NXN: variants seen among roughly 807,000 people sequenced by gnomAD.
NXN encodes the protein nucleoredoxin 1.
In NXN, 16 loss-of-function variants were observed where a neutral mutation model predicts 48.6. The observed-to-expected ratio is 0.33, with a 90% CI of 0.22 to 0.50. The LOEUF (loss-of-function observed/expected upper bound fraction) is 0.50, where lower values mean the gene tolerates loss of function less well. Among genes scored for constraint, NXN ranks in the 20% least tolerant of loss-of-function variants. The pLI, the probability that NXN is intolerant of heterozygous loss-of-function variation, is 0.98. For synonymous variants in NXN, 281 were observed against 269.6 expected (o/e 1.04, Z -0.41); for missense variants, 492 against 605.5 (o/e 0.81, Z 1.97).
intron 1 of NXN, among the ~76,000 whole-genome samples, chr17:841,586 C>T (rs62067129): frequency 5.9e-4 from 7 of 11,904 alleles, no homozygotes; most frequent in East Asian, 8.1e-3. Flanking sequence ...CATCTCACGC[C>T]GGCGAGCAGG....
chr17:918,342 T>A (rs62070217), intron 1 of NXN, among the ~76,000 whole-genome samples: 1 of 151,832 alleles, frequency 6.6e-6, no homozygotes, highest in African/African-American at 2.4e-5. Flanking sequence ...CGGAAGGAAA[T>A]GGGAGGAGCG....
chr17:819,152 G>C, intron 5 of NXN: 1 of 413,650 alleles, frequency 2.4e-6, no homozygotes, highest in South Asian at 2.1e-5. Flanking sequence ...TCACCGTGTT[G>C]TCCAAACTGG....
chr17:855,472 G>A (rs2067975314), intron 1 of NXN, among the ~76,000 whole-genome samples: 1 of 152,134 alleles, frequency 6.6e-6, no homozygotes, highest in Admixed American at 6.5e-5. Context: ...CTGCTCCCCA[G>A]GATCAAAATG....
At chr17:939,519 T>C (rs2068945971) in intron 1 of NXN, among the ~76,000 whole-genome samples, 1 of 151,956 alleles carries the variant, frequency 6.6e-6, no homozygotes, top group Non-Finnish European at 1.5e-5. Context: ...TTAATTCCTA[T>C]ATTTTTAGTA....
intron 1 of NXN, among the ~76,000 whole-genome samples, chr17:946,192 G>A (rs1227211973): frequency 6.7e-6 from 1 of 149,924 alleles, no homozygotes; most frequent in African/African-American, 2.4e-5. Flanking sequence ...CTGGAGGGCA[G>A]TGGCGCGATC....
At chr17:831,040 G>T (rs1410620168) in intron 1 of NXN, among the ~76,000 whole-genome samples, 1 of 151,868 alleles carries the variant, frequency 6.6e-6, no homozygotes, top group Non-Finnish European at 1.5e-5. Flanking sequence ...ATGCTGATTG[G>T]GTTACTCCAG....
At chr17:819,237 TG>T (rs1479016876) in intron 5 of NXN, 1 of 591,730 alleles carries the variant, frequency 1.7e-6, no homozygotes, top group Non-Finnish European at 3.1e-6. Flanking sequence ...TGAGCTGCCA[TG>T]CCCGGCCTGA....
intron 1 of NXN, among the ~76,000 whole-genome samples, chr17:906,020 A>C (rs577219240): frequency 1.3e-5 from 2 of 152,012 alleles, no homozygotes; most frequent in African/African-American, 2.4e-5. Context: ...AGGTGAAGTT[A>C]ATCTTAATAT....
intron 5 of NXN, among the ~76,000 whole-genome samples, chr17:811,605 G>A (rs1912013275): frequency 6.6e-6 from 1 of 152,120 alleles, no homozygotes; most frequent in South Asian, 2.1e-4. Context: ...CAGTGGTCCT[G>A]TGGAGATGGG....
chr17:835,412 G>T (rs562844631), intron 1 of NXN, among the ~76,000 whole-genome samples: 3 of 151,594 alleles, frequency 2.0e-5, no homozygotes, highest in Admixed American at 1.3e-4. Flanking sequence ...AGAGAACAAA[G>T]AAAAAAAACA....
At chr17:910,448 TAGAC>T (rs1440251683) in intron 1 of NXN, among the ~76,000 whole-genome samples, 2 of 151,822 alleles carry the variant, frequency 1.3e-5, no homozygotes, top group Admixed American at 6.6e-5. Context: ...GTAAGTGGCA[TAGAC>T]AGACAAAGTG....
chr17:830,683 G>A lies in NXN; in HGVS notation c.361-4605C>T, dbSNP rs1913407401. 6.6e-6 allele frequency among the ~76,000 whole-genome samples: 1 copy of A among 152,170 alleles called. No homozygotes were observed. The highest frequency in any genetic ancestry group is 1.5e-5 in the Non-Finnish European group (1 of 68,026). ...GCAAAAATAACAGGTCACAGGGAATGACGTGACCTGATTCACAGTTTAAAA... is the reference window on the plus strand; with the variant it reads ...GCAAAAATAACAGGTCACAGGGAATAACGTGACCTGATTCACAGTTTAAAA... On this transcript the variant is annotated intron_variant, in intron 1 of 7. Coordinates refer to ENST00000336868, the MANE Select transcript of NXN (RefSeq NM_022463.5). The surrounding 1 kb of genome is among the most constrained non-coding windows in gnomAD (Gnocchi z 4.2).
chr17:909,398 T>C (rs2144917878), intron 1 of NXN, among the ~76,000 whole-genome samples: 1 of 152,250 alleles, frequency 6.6e-6, no homozygotes, highest in East Asian at 1.9e-4. Context: ...TAAAGTCCAG[T>C]GTAACATTTG....
At chr17:832,664 T>A (rs1597641957) in intron 1 of NXN, among the ~76,000 whole-genome samples, 1 of 152,202 alleles carries the variant, frequency 6.6e-6, no homozygotes, top group East Asian at 1.9e-4. Context: ...CTGCCCCCAG[T>A]CTCCACAGAC....
intron 1 of NXN, among the ~76,000 whole-genome samples, chr17:914,669 G>A (rs2068668959): frequency 1.3e-5 from 2 of 152,198 alleles, no homozygotes; most frequent in Admixed American, 1.3e-4. Flanking sequence ...GAGGAGCAGA[G>A]ACTCGCTTCT....
At chr17:899,640 TCTC>T (rs1308943298) in intron 1 of NXN, among the ~76,000 whole-genome samples, 3 of 152,122 alleles carry the variant, frequency 2.0e-5, no homozygotes, top group African/African-American at 7.2e-5. Flanking sequence ...TCCTCCTTTC[TCTC>T]CTCTCTGTTA....
rs1345631143 is a variant in NXN, at chr17:978,191, G to C, written c.360+1128C>G. ...TAAACGCCCCCAGAATAGCCCTTCT[G>C]TCCACTCCAGAAACAGGCTTTCCTC... On this transcript the variant is annotated intron_variant, in intron 1 of 7. Coordinates refer to ENST00000336868, the MANE Select transcript of NXN (RefSeq NM_022463.5). This position sits in a 1 kb window ranked among gnomAD's most constrained non-coding sequence, Gnocchi z 4.1. 6.6e-6 allele frequency: 1 copy of C among 152,150 alleles called. No individual in the cohort carries two copies. Among genetic ancestry groups the C allele is most frequent in the East Asian group, 1.9e-4 (1 of 5,184 alleles). The allele number at this position is 152,150 out of a possible 1,614,324, so 9.4% of individuals were successfully genotyped here. A position where few individuals can be genotyped will look rare whatever the true frequency, so the allele number is the denominator to read the frequency against.
chr17:827,775 C>A (rs1440634764), intron 1 of NXN, among the ~76,000 whole-genome samples: 3 of 152,206 alleles, frequency 2.0e-5, no homozygotes. Context: ...AAGGCTACGC[C>A]CTTGGGCAGA....
At chr17:803,603 A>C in intron 7 of NXN, 79 bp downstream of exon 7, 1 of 1,583,692 alleles carries the variant, frequency 6.3e-7, no homozygotes, top group Non-Finnish European at 8.6e-7. Context: ...CCTTTCAGGC[A>C]ACCCTGGGGC....
Sources: gnomAD v4.1 joint callset for allele counts (sites outside exome capture counted in the v4.1 genomes callset) on GRCh38, gnomAD v4.1.1 for gene constraint, Gnocchi (gnomAD v3.1) non-coding constraint, MANE v1.5 for transcripts, NCBI Gene and HGNC (gene_info 2026-07-23, HGNC 2026-07-21) for gene names.